The following MYO5B variants were observed in gnomAD, a reference collection of about 807,000 sequenced individuals.
The protein encoded by MYO5B is myosin VB.
MYO5B carries 143 observed loss-of-function variants against 229.3 expected under a neutral mutation model. The ratio of observed to expected loss-of-function variants is 0.62; its 90% CI spans 0.54 to 0.72. The LOEUF is 0.72. Ranked by LOEUF, MYO5B falls within the 30% of genes least tolerant of loss-of-function variation. MYO5B has a pLI of 0.00. For synonymous variants in MYO5B, 918 were observed against 885.2 expected (o/e 1.04, Z -0.66); for missense variants, 2,321 against 2,331.0 (o/e 1.00, Z 0.09).
At chr18:49,955,626 T>C (rs2025484238) in intron 12 of MYO5B, among the ~76,000 whole-genome samples, 1 of 152,230 alleles carries the variant, frequency 6.6e-6, no homozygotes, top group Non-Finnish European at 1.5e-5. Context: ...AGCAAACTGA[T>C]TTTGCTCAAG....
chr18:49,839,626 C>A (rs555005612), intron 35 of MYO5B, among the ~76,000 whole-genome samples: 11 of 152,340 alleles, frequency 7.2e-5, no homozygotes, highest in Admixed American at 1.3e-4. Context: ...CTTCATCCAG[C>A]GCTTTCCTCA....
Position 49,992,401 on chromosome 18 carries a change from C to A in MYO5B, c.643G>T (p.Asp215Tyr), listed in dbSNP as rs1232310088. The change falls in exon 6 of 40, where the codon GAC becomes TAC. Residue 215 changes from aspartate (D) to tyrosine (Y), a missense_variant. Transcript: ENST00000285039. ...AIGNAKTTRN[D>Y]NSSRFGKYIQ... ...TACTTGCCAAAACGGCTGCTGTTGT[C>A]ATTGCGGGTGGTCTTGGCATTTCCA... 1 of 1,613,988 alleles carries A rather than the reference C, an allele frequency of 6.2e-7. No individual in the cohort carries two copies. The highest frequency in any genetic ancestry group is 8.5e-7 in the Non-Finnish European group (1 of 1,180,022).
chr18:50,105,076 C>T (rs2031730495), intron 1 of MYO5B, among the ~76,000 whole-genome samples: 2 of 151,828 alleles, frequency 1.3e-5, no homozygotes, highest in South Asian at 2.1e-4. Context: ...AGAATGGTTT[C>T]CCTATTGACT....
chr18:49,903,628 T>C (rs923625999), intron 20 of MYO5B, among the ~76,000 whole-genome samples: 7 of 152,194 alleles, frequency 4.6e-5, no homozygotes, highest in African/African-American at 1.7e-4. Flanking sequence ...TTTTTATTAT[T>C]ATCAATTTCG....
intron 16 of MYO5B, among the ~76,000 whole-genome samples, chr18:49,935,710 A>G (rs1341581711): frequency 2.0e-5 from 3 of 152,374 alleles, no homozygotes; most frequent in Non-Finnish European, 2.9e-5. Flanking sequence ...GAGCATGGAC[A>G]GAACCGGAAC....
intron 6 of MYO5B, among the ~76,000 whole-genome samples, chr18:49,991,923 G>T (rs1254628090): frequency 3.9e-5 from 6 of 152,082 alleles, no homozygotes; most frequent in Non-Finnish European, 2.9e-5. Flanking sequence ...GAAGTTCTCA[G>T]GAAACCTAAA....
At chr18:49,947,042 T>C (rs2025381445) in intron 14 of MYO5B, among the ~76,000 whole-genome samples, 1 of 151,216 alleles carries the variant, frequency 6.6e-6, no homozygotes, top group African/African-American at 2.4e-5. Context: ...ATACCTCACC[T>C]GAGAAGTGTC....
chr18:49,980,346 C>T, intron 9 of MYO5B, 98 bp downstream of exon 9: 5 of 884,646 alleles, frequency 5.7e-6, no homozygotes, highest in South Asian at 1.4e-5. Flanking sequence ...GAATAAATAA[C>T]CTATGAGTGT....
intron 1 of MYO5B, among the ~76,000 whole-genome samples, chr18:50,151,696 A>T (rs2032601100): frequency 6.6e-6 from 1 of 150,728 alleles, no homozygotes; most frequent in African/African-American, 2.4e-5. Flanking sequence ...AAAACACTGA[A>T]TTTTTTTTTT....
At chr18:50,087,203 C>G (rs2031348497) in intron 1 of MYO5B, among the ~76,000 whole-genome samples, 1 of 152,152 alleles carries the variant, frequency 6.6e-6, no homozygotes, top group African/African-American at 2.4e-5. Flanking sequence ...CCAAGTGTCT[C>G]TAAAGATTGC....
intron 1 of MYO5B, among the ~76,000 whole-genome samples, chr18:50,161,599 G>A (rs1359153874): frequency 1.3e-5 from 2 of 152,144 alleles, no homozygotes; most frequent in South Asian, 2.1e-4. Context: ...AAGACAACAT[G>A]CAGCCCGACC....
chr18:49,878,858 C>A (rs2024555199), intron 24 of MYO5B, 87 bp downstream of exon 24: 2 of 1,485,548 alleles, frequency 1.3e-6, no homozygotes, highest in Non-Finnish European at 1.9e-6. Flanking sequence ...CATCACATAT[C>A]AGAAAGCAGT....
chr18:50,015,231 T>C (rs143714270), intron 4 of MYO5B, among the ~76,000 whole-genome samples: 3 of 152,310 alleles, frequency 2.0e-5, no homozygotes, highest in African/African-American at 7.2e-5. Flanking sequence ...ATCTTGTGCA[T>C]TGGAGGGAAA....
intron 1 of MYO5B, among the ~76,000 whole-genome samples, chr18:50,078,953 A>G (rs116616094): frequency 0.013 from 1,966 of 152,366 alleles, 35 homozygotes; most frequent in African/African-American, 0.045. Context: ...GCAAGGACAC[A>G]TCTCATTTAT....
intron 22 of MYO5B, among the ~76,000 whole-genome samples, chr18:49,894,412 T>C (rs2024753467): frequency 6.6e-6 from 1 of 152,162 alleles, no homozygotes. Context: ...TATGCCCTGA[T>C]GCTCAGGTTT....
intron 4 of MYO5B, among the ~76,000 whole-genome samples, chr18:50,031,162 G>C (rs992664529): frequency 6.6e-6 from 1 of 152,068 alleles, no homozygotes; most frequent in African/African-American, 2.4e-5. Context: ...GGGGCAAACA[G>C]ATTGGGTCTA....
Position 49,997,785 on chromosome 18 carries a change from G to A in MYO5B, c.612+3470C>T, listed in dbSNP as rs1295597801. ...CTTAGCATAGACCACTGGGATTTCC[G>A]CCTCCTCAGACCTTCAACTCTAGGT... is the stretch of plus-strand genomic sequence containing the variant. On this transcript the variant is annotated intron_variant, in intron 5 of 39. Transcript: ENST00000285039. Among the ~76,000 whole-genome samples, 4 of 151,970 alleles carry A rather than the reference G, an allele frequency of 2.6e-5. No homozygotes were observed. The East Asian group carries it at 5.8e-4, about 22-fold the overall frequency.
At chr18:50,124,289 A>G (rs1455009635) in intron 1 of MYO5B, among the ~76,000 whole-genome samples, 1 of 152,058 alleles carries the variant, frequency 6.6e-6, no homozygotes, top group East Asian at 1.9e-4. Context: ...AGATTCTTTC[A>G]GAGTTTTCCA....
At chr18:50,191,692 T>C (rs2033230249) in intron 1 of MYO5B, among the ~76,000 whole-genome samples, 1 of 152,214 alleles carries the variant, frequency 6.6e-6, no homozygotes, top group Non-Finnish European at 1.5e-5. Context: ...TGAGCACTAT[T>C]TCAAGGTCAT....
Sources: gnomAD v4.1 joint callset for allele counts (sites outside exome capture counted in the v4.1 genomes callset) on GRCh38, gnomAD v4.1.1 for gene constraint, MANE v1.5 for transcripts, NCBI Gene and HGNC (gene_info 2026-07-23, HGNC 2026-07-21) for gene names.